PC: variants seen among roughly 807,000 people sequenced by gnomAD.
The protein encoded by PC is pyruvate carboxylase.
In PC, 46 loss-of-function variants were observed where a neutral mutation model predicts 107.8. The ratio of observed to expected loss-of-function variants is 0.43; its 90% confidence interval spans 0.34 to 0.55. The LOEUF (loss-of-function observed/expected upper bound fraction) is 0.55, where lower values mean the gene tolerates loss of function less well. PC is among the 20% of genes least tolerant of loss of function. The pLI, the probability that PC is intolerant of heterozygous loss-of-function variation, is 0.04. For missense variants in PC, 1,241 were observed against 1,643.1 expected, an observed-to-expected ratio of 0.76 and a Z score of 4.23; for synonymous variants, 662 against 684.7, an observed-to-expected ratio of 0.97 and a Z score of 0.52.
At chr11:66,909,901 G>C (rs556044249) in intron 3 of PC, among the ~76,000 whole-genome samples, 1 of 152,218 alleles carries the variant, frequency 6.6e-6, no homozygotes, top group South Asian at 2.1e-4. Context: ...GGTATGGCTG[G>C]AACACCGGGT....
chr11:66,937,085 C>T (rs920336385), intron 3 of PC, among the ~76,000 whole-genome samples: 4 of 152,154 alleles, frequency 2.6e-5, no homozygotes, highest in South Asian at 2.1e-4. Flanking sequence ...CTCAAATGAT[C>T]CACCCGTCTG....
rs756309608 is a variant in PC, at chr11:66,849,167, G to T, written c.3289-20C>A. 2.5e-6 allele frequency: 4 copies of T among 1,613,776 alleles called. No homozygotes were observed. The highest frequency in any genetic ancestry group is 3.4e-6 in the Non-Finnish European group (4 of 1,180,040). On this transcript the variant is annotated intron_variant, in intron 22 of 22. Transcript: ENST00000393960. ...CATCTCCTGAAGACACAGGGCAGAG[G>T]GGACATGACATCCTGGGCCCAGCCA...
intron 3 of PC, among the ~76,000 whole-genome samples, chr11:66,917,174 G>A (rs1438842633): frequency 6.6e-6 from 1 of 151,772 alleles, no homozygotes; most frequent in Non-Finnish European, 1.5e-5. Flanking sequence ...CAGGCTCAAG[G>A]GATTCTCCTG....
chr11:66,878,678 CT>C (rs1298341226), intron 3 of PC, among the ~76,000 whole-genome samples: 1 of 152,218 alleles, frequency 6.6e-6, no homozygotes, highest in Non-Finnish European at 1.5e-5. Context: ...TCCGTGAGTC[CT>C]TGTGTCCCTC....
At chr11:66,934,734 T>A (rs1454275496) in intron 3 of PC, among the ~76,000 whole-genome samples, 1 of 152,098 alleles carries the variant, frequency 6.6e-6, no homozygotes, top group Non-Finnish European at 1.5e-5. Context: ...TGGGTTCAAG[T>A]GATTTTCCTA....
intron 3 of PC, among the ~76,000 whole-genome samples, chr11:66,922,553 TAAAAAAAAAAA>T (rs1198835228): frequency 1.2e-5 from 1 of 84,362 alleles, no homozygotes; most frequent in Admixed American, 1.6e-4. Context: ...GACTTTGTCT[TAAAAAAAAAAA>T]AAAAAAAAAA....
rs1351664961 is a variant in PC at position 66,870,933 on chromosome 11, C to G, written c.634-41G>C. The G allele has an allele frequency of 1.2e-6, 2 of 1,604,322 alleles. No individual in the cohort carries two copies. Among genetic ancestry groups the G allele is most frequent in the Non-Finnish European group, 1.7e-6 (2 of 1,174,328 alleles). ...GGGGCCAGCCAGACCTCAGACCCCACAGCGCTACCTCTCCCCTGCCATGAA... is the reference window on the plus strand; with the variant it reads ...GGGGCCAGCCAGACCTCAGACCCCAGAGCGCTACCTCTCCCCTGCCATGAA... On this transcript the variant is annotated intron_variant, in intron 7 of 22. Transcript: ENST00000393960. The surrounding 1 kb of genome is among the most constrained non-coding windows in gnomAD (Gnocchi z 6.1).
At chr11:66,860,185 G>A in intron 12 of PC, 3 of 1,545,408 alleles carry the variant, frequency 1.9e-6, no homozygotes, top group Non-Finnish European at 2.6e-6. Context: ...CTGGAAGAGA[G>A]TGTGGTGTGA....
At chr11:66,872,246 TG>T (rs1270923512) in intron 3 of PC, 87 bp from the exon 4 acceptor site, 1 of 1,443,440 alleles carries the variant, frequency 6.9e-7, no homozygotes, top group African/African-American at 1.4e-5. Flanking sequence ...AACCCCACAG[TG>T]GCCCCACAGA....
intron 12 of PC, chr11:66,860,151 G>A (rs890285871): frequency 9.0e-6 from 14 of 1,549,028 alleles, no homozygotes; most frequent in Non-Finnish European, 1.2e-5. Context: ...AGGGTGCCGG[G>A]GGGTAGGAGG....
chr11:66,858,535 C>T lies in PC; in HGVS notation c.1369-5152G>A, dbSNP rs1253056791. ...ACGTGCGCCTCCCCGCCCGGCCTGG[C>T]CGGCCGCTACTTCTGGGCAGTGCCC... On this transcript the variant is annotated intron_variant, in intron 12 of 22. Coordinates refer to ENST00000393960, the MANE Select transcript of PC (RefSeq NM_001040716.2). The surrounding 1 kb of genome is among the most constrained non-coding windows in gnomAD (Gnocchi z 5.9). 6.5e-7 allele frequency: 1 copy of T among 1,533,640 alleles called. No homozygotes were observed. The highest frequency in any genetic ancestry group is 1.2e-5 in the South Asian group (1 of 83,886).
chr11:66,871,303 C>T lies in PC; in HGVS notation c.487+12G>A. 2 of 1,614,012 alleles carry T rather than the reference C, an allele frequency of 1.2e-6. No individual in the cohort carries two copies. Among genetic ancestry groups the T allele is most frequent in the Non-Finnish European group, 1.7e-6 (2 of 1,180,018 alleles). On this transcript the variant is annotated intron_variant, in intron 6 of 22. Transcript: ENST00000393960. This position sits in a 1 kb window ranked among gnomAD's most constrained non-coding sequence, Gnocchi z 7.4. ...GCTGCGGGGCCACCCCTTGCTTGCC[C>T]GTTATATTCACCCGCAGCAATGGCG... is the stretch of plus-strand genomic sequence containing the variant.
At position 66,941,479 on chromosome 11, in the gene PC, C is replaced by T. The variant is rs541042224; in HGVS notation, c.-1+10951G>A. 4.1e-4 allele frequency among the ~76,000 whole-genome samples: 63 copies of T among 152,228 alleles called. 1 individual carries two copies. The highest frequency in any genetic ancestry group is 3.9e-4 in the Admixed American group (6 of 15,288). On this transcript the variant is annotated intron_variant, in intron 3 of 22. Coordinates refer to ENST00000393960, the MANE Select transcript of PC (RefSeq NM_001040716.2). The stretch of plus-strand genomic sequence containing the variant: ...GAATGGATAAGTAAAATCCATACAA[C>T]GGAATATCATTCAGCCTTTTCTTTT...
chr11:66,882,949 G>A (rs1947236009), intron 3 of PC, among the ~76,000 whole-genome samples: 1 of 152,214 alleles, frequency 6.6e-6, no homozygotes, highest in East Asian at 1.9e-4. Context: ...GAGGACGCTG[G>A]AAACAATGCA....
intron 3 of PC, among the ~76,000 whole-genome samples, chr11:66,936,036 A>C (rs1948993034): frequency 6.7e-6 from 1 of 149,448 alleles, no homozygotes; most frequent in Admixed American, 6.7e-5. Flanking sequence ...CTGTGATTGC[A>C]CCACTGCACT....
chr11:66,896,922 TTTTGTTTG>T (rs142954680), intron 3 of PC, among the ~76,000 whole-genome samples: 6,776 of 152,142 alleles, frequency 0.045, 246 homozygotes, highest in East Asian at 0.11. Context: ...TCCTTTTGTT[TTTTGTTTG>T]TTTGTTTGTT....
chr11:66,870,811 T>C lies in PC; in HGVS notation c.715A>G (p.Ile239Val), dbSNP rs148805312. 2.2e-4 allele frequency: 359 copies of C among 1,613,638 alleles called. No homozygotes were observed. Among genetic ancestry groups the C allele is most frequent in the Admixed American group, 1.0e-3 (63 of 60,032 alleles). ...GNGALFVEKF[I>V]EKPRHIEVQI... ...ACCTCGATGTGCCGTGGCTTCTCGATGAACTTCTCCACAAACAGCGCCCCA... is the reference window on the plus strand; with the variant it reads ...ACCTCGATGTGCCGTGGCTTCTCGACGAACTTCTCCACAAACAGCGCCCCA... Residue 239 changes from isoleucine to valine, a missense_variant, in exon 8 of 23, where the codon ATC becomes GTC. Physicochemically the swap from Ile to Val is conservative, Grantham distance 29. Transcript: ENST00000393960. This position sits in a 1 kb window ranked among gnomAD's most constrained non-coding sequence, Gnocchi z 6.1.
chr11:66,901,389 T>A (rs1947951861), intron 3 of PC, among the ~76,000 whole-genome samples: 1 of 152,204 alleles, frequency 6.6e-6, no homozygotes, highest in South Asian at 2.1e-4. Context: ...TGACCCAGGC[T>A]GTGTCTTGTC....
intron 12 of PC, among the ~76,000 whole-genome samples, chr11:66,854,733 C>T (rs1292983041): frequency 2.0e-5 from 3 of 152,192 alleles, no homozygotes; most frequent in Non-Finnish European, 2.9e-5. Flanking sequence ...CTGAGCTCTC[C>T]GTCTCTTAGG....
Sources: allele counts gnomAD v4.1 joint callset (sites outside exome capture counted in the v4.1 genomes callset), GRCh38; gene constraint gnomAD v4.1.1; non-coding constraint Gnocchi (gnomAD v3.1); transcripts MANE v1.5; gene names NCBI Gene and HGNC (gene_info 2026-07-23, HGNC 2026-07-21).